Variants in CEP41 observed in about 807,000 individuals in gnomAD.
The protein encoded by CEP41 is centrosomal protein of 41 kDa.
CEP41 carries 32 observed loss-of-function variants against 44.3 expected under a neutral mutation model. That is an observed-to-expected ratio of 0.72 (90% CI 0.54 to 0.97). The LOEUF (loss-of-function observed/expected upper bound fraction) is 0.97, where lower values mean the gene tolerates loss of function less well. CEP41 is among the 50% of genes least tolerant of loss of function. CEP41 has a pLI of 0.00. For synonymous variants in CEP41, 151 were observed against 168.5 expected (o/e 0.90, Z 0.80); for missense variants, 432 against 455.2 (o/e 0.95, Z 0.46).
At chr7:130,420,937 A>T in intron 2 of CEP41, 2 of 982,658 alleles carry the variant, frequency 2.0e-6, no homozygotes, top group Non-Finnish European at 2.4e-6. Flanking sequence ...AACTATGTAC[A>T]ACTTGACTTA....
chr7:130,425,890 A>G (rs139289072), intron 2 of CEP41, among the ~76,000 whole-genome samples: 117 of 152,358 alleles, frequency 7.7e-4, no homozygotes, highest in African/African-American at 2.6e-3. Flanking sequence ...GAAAAAGCCA[A>G]TCCAAAAGGT....
chr7:130,410,655 C>T lies in CEP41; in HGVS notation c.277+467G>A, dbSNP rs148053652. 3.8e-3 allele frequency among the ~76,000 whole-genome samples: 580 copies of T among 152,222 alleles called. 2 individuals carry two copies. Among genetic ancestry groups the T allele is most frequent in the Non-Finnish European group, 5.2e-3 (357 of 68,018 alleles). On this transcript the variant is annotated intron_variant, in intron 5 of 10. Transcript: ENST00000223208. ...CACCTTGCAATATACAGCCAACAAA[C>T]GATGGTTTCCTTCCATTCCTCCATT...
rs782120276 is a variant in CEP41 at position 130,400,181 on chromosome 7, G to C, written c.831C>G (p.Ala277=). The stretch of plus-strand genomic sequence containing the variant: ...GTTTCCGGGCAGACCCAGGAGGAAG[G>C]GCCTGCTGGCAAGATGCTGGCAGGG... ...TGSLPASCQQ[A]LPPGSARKRS... Residue 277 remains alanine (A), a synonymous_variant, in exon 10 of 11, where the codon GCC becomes GCG. Transcript: ENST00000223208. The C allele has an allele frequency of 5.1e-5, 83 of 1,613,838 alleles. No homozygotes were observed. The highest frequency in any genetic ancestry group is 6.9e-5 in the Non-Finnish European group (81 of 1,179,948).
intron 9 of CEP41, 42 bp from the exon 10 acceptor site, chr7:130,400,296 C>T: frequency 7.1e-7 from 1 of 1,415,428 alleles, no homozygotes; most frequent in South Asian, 1.2e-5. Context: ...ATTAATATGG[C>T]AAGGCCAGGC....
intron 3 of CEP41, 110 bp from the exon 4 acceptor site, chr7:130,412,350 T>C: frequency 1.5e-6 from 1 of 679,810 alleles, no homozygotes; most frequent in Non-Finnish European, 2.7e-6. Flanking sequence ...TTTACATCTA[T>C]TATCTCATTT....
rs1554414360 is a variant in CEP41, at chr7:130,395,990, G to A, written c.*2901C>T. On this transcript the variant is annotated 3_prime_UTR_variant, in exon 11 of 11. Transcript: ENST00000223208. ...TATTACAGCCCAGGGTGTTCCTTTT[G>A]TTTTCAAATAAGTAATGTAGCTTTC... 3 of 453,652 alleles carry A rather than the reference G, an allele frequency of 6.6e-6. No homozygotes were observed. The Admixed American group carries it at 7.1e-5, about 11-fold the overall frequency. 28.1% of individuals were successfully genotyped at this position (453,652 alleles called of 1,614,324 possible). A position where few individuals can be genotyped will look rare whatever the true frequency, so the allele number is the denominator to read the frequency against.
chr7:130,409,482 G>A (rs936570947), intron 5 of CEP41, among the ~76,000 whole-genome samples: 1 of 152,196 alleles, frequency 6.6e-6, no homozygotes, highest in Non-Finnish European at 1.5e-5. Context: ...TGCTTTGTGA[G>A]AGGCATCTGT....
intron 2 of CEP41, chr7:130,419,097 C>T (rs1797422204): frequency 3.0e-6 from 3 of 985,286 alleles, no homozygotes; most frequent in Admixed American, 6.1e-5. Flanking sequence ...CTGACCCTCA[C>T]CACAATGCAG....
intron 1 of CEP41, among the ~76,000 whole-genome samples, chr7:130,437,287 A>G (rs782700470): frequency 1.3e-5 from 2 of 152,130 alleles, no homozygotes; most frequent in Non-Finnish European, 2.9e-5. Context: ...GAAAATTTTC[A>G]GACTAAAAAG....
chr7:130,437,162 A>T (rs891714627), intron 1 of CEP41, among the ~76,000 whole-genome samples: 1 of 152,148 alleles, frequency 6.6e-6, no homozygotes, highest in Non-Finnish European at 1.5e-5. Context: ...GAAACAGGAG[A>T]TGAAAGTTAC....
At chr7:130,405,241 G>C (rs782648448) in intron 5 of CEP41, among the ~76,000 whole-genome samples, 26 of 152,126 alleles carry the variant, frequency 1.7e-4, no homozygotes, top group Non-Finnish European at 3.2e-4. Context: ...AAATTACCAG[G>C]GTTATCTCAA....
chr7:130,434,034 T>A (rs1797896499), intron 1 of CEP41, among the ~76,000 whole-genome samples: 1 of 152,206 alleles, frequency 6.6e-6, no homozygotes, highest in Non-Finnish European at 1.5e-5. Context: ...GTTTTAAGGG[T>A]TGATCTTCTG....
intron 2 of CEP41, among the ~76,000 whole-genome samples, chr7:130,427,674 C>T (rs1318290363): frequency 6.6e-6 from 1 of 152,178 alleles, no homozygotes; most frequent in Non-Finnish European, 1.5e-5. Context: ...TAGCTTCAGC[C>T]CTGAAACTTA....
chr7:130,417,201 C>T, intron 2 of CEP41: 1 of 1,331,472 alleles, frequency 7.5e-7, no homozygotes, highest in Non-Finnish European at 9.6e-7. Context: ...GGGATGCATA[C>T]CCCCAAAACA....
At chr7:130,421,548 T>C in intron 2 of CEP41, 1 of 985,364 alleles carries the variant, frequency 1.0e-6, no homozygotes, top group South Asian at 4.7e-5. Flanking sequence ...TAGTCTATAA[T>C]GAGTTTGATG....
chr7:130,404,234 G>GA (rs1442245801), intron 6 of CEP41, among the ~76,000 whole-genome samples: 2 of 152,236 alleles, frequency 1.3e-5, no homozygotes, highest in South Asian at 2.1e-4. Context: ...GGAAAAGGGG[G>GA]AAAAATCATA....
chr7:130,402,839 G>A (rs782179287), intron 6 of CEP41, 40 bp from the exon 7 acceptor site: 3 of 1,611,750 alleles, frequency 1.9e-6, no homozygotes, highest in South Asian at 1.1e-5. Flanking sequence ...CTAGTCAGAG[G>A]TTGGTGGCTT....
chr7:130,432,994 A>G (rs1174183698), intron 1 of CEP41, among the ~76,000 whole-genome samples: 2 of 152,216 alleles, frequency 1.3e-5, no homozygotes, highest in African/African-American at 2.4e-5. Flanking sequence ...GAGGCCATAC[A>G]AAAGTGGGTC....
Position 130,398,482 on chromosome 7 carries a change from T to G in CEP41, c.*409A>C, listed in dbSNP as rs782042681. ...CCTTCATGAAGTCAAGAACAGTGAATGAAAAGGTGGCAGGGACAGGCACAC... is the reference window on the plus strand; with the variant it reads ...CCTTCATGAAGTCAAGAACAGTGAAGGAAAAGGTGGCAGGGACAGGCACAC... On this transcript the variant is annotated 3_prime_UTR_variant, in exon 11 of 11. Coordinates refer to ENST00000223208, the MANE Select transcript of CEP41 (RefSeq NM_018718.3). 53 of 454,524 alleles carry G rather than the reference T, an allele frequency of 1.2e-4. No homozygotes were observed. The highest frequency in any genetic ancestry group is 1.5e-4 in the Non-Finnish European group (35 of 227,484). 28.2% of individuals were successfully genotyped at this position (454,524 alleles called of 1,614,324 possible).
Sources: gnomAD v4.1 joint callset for allele counts (sites outside exome capture counted in the v4.1 genomes callset) on GRCh38, gnomAD v4.1.1 for gene constraint, MANE v1.5 for transcripts, NCBI Gene and HGNC (gene_info 2026-07-23, HGNC 2026-07-21) for gene names.